Variants in SPG11 observed in about 807,000 individuals in gnomAD.
SPG11 encodes the protein spatacsin.
In SPG11, 222 loss-of-function variants were observed where a neutral mutation model predicts 274.0. The ratio of observed to expected loss-of-function variants is 0.81; its 90% CI spans 0.73 to 0.91. The LOEUF (loss-of-function observed/expected upper bound fraction) is 0.91. Ranked by LOEUF, SPG11 falls within the 40% of genes least tolerant of loss-of-function variation. The pLI is 0.00. For missense variants in SPG11, 3,114 were observed against 2,872.7 expected (o/e 1.08, Z -1.92); for synonymous variants, 1,144 against 1,039.7 (o/e 1.10, Z -1.93).
chr15:44,564,399 C>T, intron 39 of SPG11, 148 bp downstream of exon 39: 1 of 745,334 alleles, frequency 1.3e-6, no homozygotes, highest in South Asian at 1.7e-5. Flanking sequence ...TGTTAAAAGA[C>T]TTCCTTCTAA....
At chr15:44,638,551 TTAAG>T (rs1373108374) in intron 7 of SPG11, among the ~76,000 whole-genome samples, 8 of 144,660 alleles carry the variant, frequency 5.5e-5, no homozygotes, top group African/African-American at 1.8e-4. Context: ...ATCTGATAAT[TTAAG>T]TATGTACATT....
chr15:44,597,170 A>G (rs2083067697), intron 23 of SPG11: 5 of 427,096 alleles, frequency 1.2e-5, no homozygotes, highest in South Asian at 8.7e-5. Flanking sequence ...CTGGAGTACA[A>G]TGGTGCGATC....
At chr15:44,631,884 C>T (rs2084074764) in intron 8 of SPG11, among the ~76,000 whole-genome samples, 1 of 148,820 alleles carries the variant, frequency 6.7e-6, no homozygotes, top group Admixed American at 6.8e-5. Context: ...TGACGGCTCA[C>T]TGCAGCCTCA....
At chr15:44,572,977 GTTC>G (rs1409279005) in intron 32 of SPG11, among the ~76,000 whole-genome samples, 157 bp from the exon 33 acceptor site, 7 of 134,140 alleles carry the variant, frequency 5.2e-5, no homozygotes, top group South Asian at 2.6e-4. Context: ...TAGGACAGGA[GTTC>G]TTTTTTTTTT....
At chr15:44,567,981 T>G (rs2082344028) in intron 35 of SPG11, among the ~76,000 whole-genome samples, 1 of 152,204 alleles carries the variant, frequency 6.6e-6, no homozygotes, top group Admixed American at 6.5e-5. Context: ...GAATACCATG[T>G]AGCCATTAAA....
Position 44,596,252 on chromosome 15 carries a change from T to C in SPG11, c.4265A>G (p.Gln1422Arg), listed in dbSNP as rs764484944. 6.2e-7 allele frequency: 1 copy of C among 1,614,182 alleles called. No individual in the cohort carries two copies. The highest frequency in any genetic ancestry group is 8.5e-7 in the Non-Finnish European group (1 of 1,180,016). Residue 1422 changes from glutamine to arginine, a missense_variant, in exon 25 of 40, where the codon CAA (glutamine) becomes CGA (arginine). By Grantham distance (43) the Gln-to-Arg change is conservative. Transcript: ENST00000261866. ...SVPTSKMDSD[Q>R]VCNKCPQELQ... ...TTCCTGGGGGCACTTATTGCAGACT[T>C]GATCGCTGTCCATTTTGGAGGTGGG...
intron 15 of SPG11, 61 bp downstream of exon 15, chr15:44,620,129 A>C: frequency 7.7e-7 from 1 of 1,305,052 alleles, no homozygotes; most frequent in Non-Finnish European, 1.1e-6. Flanking sequence ...CTATACCATT[A>C]TTTTTTCTTG....
At position 44,583,839 on chromosome 15, in the gene SPG11, G is replaced by A. The variant is rs372380495; in HGVS notation, c.5841C>T (p.Asp1947=). ...SAELLEEEAP[D]IPLRRVHSTS... ...TGCTGTGGACTCTCCTTAGGGGAAT[G>A]TCGGGTGCTTCTTCCTCAAGCAGCT... Residue 1947 remains aspartate, a synonymous_variant, in exon 30 of 40, where the codon GAC becomes GAT. Transcript: ENST00000261866. 4.3e-6 allele frequency: 7 copies of A among 1,614,188 alleles called. No homozygotes were observed. The highest frequency in any genetic ancestry group is 5.9e-6 in the Non-Finnish European group (7 of 1,180,040).
chr15:44,626,334 A>G lies in SPG11; in HGVS notation c.2241T>C (p.Asn747=). Residue 747 remains asparagine, a synonymous_variant, in exon 11 of 40, where the codon AAT becomes AAC. Coordinates refer to ENST00000261866, the MANE Select transcript of SPG11 (RefSeq NM_025137.4). Reference sequence around the variant, plus strand: ...CTTTATGGATTACACCACTCACCATATTCTTCAAAAGTTCAGAGGCTTCCT... The same window carrying G: ...CTTTATGGATTACACCACTCACCATGTTCTTCAAAAGTTCAGAGGCTTCCT... ...NIKEASELLK[N]MGFDVKGQLL... 6.2e-7 allele frequency: 1 copy of G among 1,610,954 alleles called. No individual in the cohort carries two copies. Among genetic ancestry groups the G allele is most frequent in the South Asian group, 1.1e-5 (1 of 90,782 alleles).
chr15:44,600,818 C>T (rs1334367791), intron 20 of SPG11, among the ~76,000 whole-genome samples, 186 bp from the exon 21 acceptor site: 3 of 152,142 alleles, frequency 2.0e-5, no homozygotes, highest in African/African-American at 4.8e-5. Context: ...TCATTTTATA[C>T]AAAGATGTGT....
chr15:44,645,169 G>C (rs2084569268), intron 7 of SPG11, among the ~76,000 whole-genome samples: 1 of 152,090 alleles, frequency 6.6e-6, no homozygotes, highest in South Asian at 2.1e-4. Flanking sequence ...TCGGCCTTTT[G>C]TCTAAGACCA....
At chr15:44,654,568 G>A (rs1443750230) in intron 4 of SPG11, among the ~76,000 whole-genome samples, 2 of 152,138 alleles carry the variant, frequency 1.3e-5, no homozygotes, top group East Asian at 3.9e-4. Context: ...GCTGGGCGCG[G>A]TGGCTCACGC....
chr15:44,638,658 T>TTTATTTC (rs1371876344), intron 7 of SPG11, among the ~76,000 whole-genome samples: 5 of 152,098 alleles, frequency 3.3e-5, no homozygotes, highest in African/African-American at 1.2e-4. Context: ...CTTATGATGT[T>TTTATTTC]TTATTTCTTC....
intron 37 of SPG11, 39 bp downstream of exon 37, chr15:44,566,178 C>T: frequency 6.2e-7 from 1 of 1,608,588 alleles, no homozygotes; most frequent in Non-Finnish European, 8.5e-7. Context: ...CTGCAGACAG[C>T]AAGTCCCAAG....
At chr15:44,624,583 T>G (rs1320039389) in intron 11 of SPG11, among the ~76,000 whole-genome samples, 1 of 152,104 alleles carries the variant, frequency 6.6e-6, no homozygotes, top group Non-Finnish European at 1.5e-5. Context: ...ATAAGATAAA[T>G]AAGTTCTGGA....
chr15:44,636,376 A>G (rs1448339781), intron 7 of SPG11, among the ~76,000 whole-genome samples: 2 of 152,160 alleles, frequency 1.3e-5, no homozygotes, highest in Admixed American at 6.5e-5. Context: ...TATATATACT[A>G]AAGTACTTAG....
intron 7 of SPG11, among the ~76,000 whole-genome samples, chr15:44,647,990 A>G (rs2084653658): frequency 6.6e-6 from 1 of 152,192 alleles, no homozygotes; most frequent in South Asian, 2.1e-4. Flanking sequence ...AGCAGAAGGT[A>G]CCCTGCCCTT....
chr15:44,576,374 T>C (rs1302391813), intron 30 of SPG11, among the ~76,000 whole-genome samples: 5 of 151,940 alleles, frequency 3.3e-5, no homozygotes, highest in Non-Finnish European at 7.4e-5. Context: ...TCAGGCCAGG[T>C]GTGGTGGCTC....
At chr15:44,619,641 G>C (rs1272041485) in intron 15 of SPG11, among the ~76,000 whole-genome samples, 1 of 151,960 alleles carries the variant, frequency 6.6e-6, no homozygotes, top group African/African-American at 2.4e-5. Context: ...CTATACCAAA[G>C]TGCATAAAAT....
Sources: gnomAD v4.1 joint callset for allele counts (sites outside exome capture counted in the v4.1 genomes callset) on GRCh38, gnomAD v4.1.1 for gene constraint, MANE v1.5 for transcripts, NCBI Gene and HGNC (gene_info 2026-07-23, HGNC 2026-07-21) for gene names.